The following TRAPPC9 variants were observed in gnomAD, a reference collection of about 807,000 sequenced individuals.
TRAPPC9 encodes the protein IKK2 binding protein.
Under a neutral mutation model 124.0 loss-of-function variants are expected in TRAPPC9, and 83 were observed. The observed-to-expected ratio is 0.67, with a 90% CI of 0.56 to 0.80. The LOEUF is 0.80. Ranked by LOEUF, TRAPPC9 falls within the 30% of genes least tolerant of loss-of-function variation. The probability of loss-of-function intolerance (pLI) is 0.00; values close to 1 mark genes in which losing one functional copy is unlikely to be tolerated. For missense variants in TRAPPC9, 1,302 were observed against 1,508.3 expected, an observed-to-expected ratio of 0.86 and a Z score of 2.27; for synonymous variants, 638 against 617.5, an observed-to-expected ratio of 1.03 and a Z score of -0.49.
intron 17 of TRAPPC9, among the ~76,000 whole-genome samples, chr8:140,089,206 C>T (rs1844406443): frequency 6.6e-6 from 1 of 152,210 alleles, no homozygotes; most frequent in Admixed American, 6.5e-5. Context: ...TCCCACTGGG[C>T]AGCCCGCTTC....
chr8:140,188,530 T>C (rs11776464), intron 17 of TRAPPC9, among the ~76,000 whole-genome samples: 56,090 of 151,810 alleles, frequency 0.37, 11,962 homozygotes, highest in South Asian at 0.5. Context: ...CTACTGAATC[T>C]CTGCTCCCTG....
intron 21 of TRAPPC9, among the ~76,000 whole-genome samples, chr8:139,841,420 G>T (rs1826722532): frequency 6.6e-6 from 1 of 152,226 alleles, no homozygotes; most frequent in Non-Finnish European, 1.5e-5. Context: ...GCTGGTGGGG[G>T]CCGGCGGGCC....
At chr8:140,135,933 G>C (rs2061297115) in intron 17 of TRAPPC9, among the ~76,000 whole-genome samples, 2 of 152,208 alleles carry the variant, frequency 1.3e-5, no homozygotes, top group Non-Finnish European at 2.9e-5. Context: ...GCGTAACAGA[G>C]TCAGCTCTGT....
intron 17 of TRAPPC9, among the ~76,000 whole-genome samples, chr8:140,091,954 G>A (rs892163593): frequency 1.2e-4 from 18 of 150,880 alleles, no homozygotes; most frequent in African/African-American, 4.4e-4. Context: ...GCCCCACAGC[G>A]ACCCTTCGAT....
chr8:140,246,300 C>T (rs368322143), intron 16 of TRAPPC9, among the ~76,000 whole-genome samples: 4 of 152,190 alleles, frequency 2.6e-5, no homozygotes, highest in African/African-American at 4.8e-5. Flanking sequence ...TTTCCTGCTC[C>T]ACATCTAGAA....
At chr8:139,844,386 TG>T (rs1343919775) in intron 21 of TRAPPC9, among the ~76,000 whole-genome samples, 1 of 152,208 alleles carries the variant, frequency 6.6e-6, no homozygotes, top group African/African-American at 2.4e-5. Context: ...ATGAAATAAT[TG>T]GGCTCTAAAC....
intron 2 of TRAPPC9, among the ~76,000 whole-genome samples, chr8:140,442,803 A>C (rs1448640763): frequency 6.6e-6 from 1 of 151,934 alleles, no homozygotes; most frequent in Non-Finnish European, 1.5e-5. Flanking sequence ...GATAGAGAGA[A>C]TCTCTTTTGC....
At chr8:140,286,736 C>T (rs547666487) in intron 13 of TRAPPC9, among the ~76,000 whole-genome samples, 33 of 152,116 alleles carry the variant, frequency 2.2e-4, no homozygotes, top group African/African-American at 7.5e-4. Flanking sequence ...ATATGCGAGG[C>T]GCCCAGGGGC....
intron 17 of TRAPPC9, among the ~76,000 whole-genome samples, chr8:140,029,706 A>G (rs926805374): frequency 2.6e-5 from 4 of 151,364 alleles, no homozygotes; most frequent in African/African-American, 7.3e-5. Flanking sequence ...GAATTCTAAC[A>G]AACATGTAAA....
upstream of TRAPPC9, chr8:140,458,280 C>A: frequency 1.3e-6 from 2 of 1,554,044 alleles, no homozygotes; most frequent in Non-Finnish European, 1.7e-6. Context: ...CCGCCGCTTA[C>A]CAGTCCTTCA....
At chr8:140,003,462 T>C (rs975354713) in intron 18 of TRAPPC9, among the ~76,000 whole-genome samples, 12 of 151,810 alleles carry the variant, frequency 7.9e-5, no homozygotes, top group Admixed American at 2.0e-4. Flanking sequence ...ATTAACTGCA[T>C]GTGGTGCCGT....
chr8:139,757,979 G>A (rs528638510), intron 21 of TRAPPC9, among the ~76,000 whole-genome samples: 10 of 152,340 alleles, frequency 6.6e-5, no homozygotes, highest in Admixed American at 2.0e-4. Flanking sequence ...TGTCCCTGCC[G>A]AGTGGCCTCA....
chr8:140,281,165 T>G (rs2065308886), intron 14 of TRAPPC9, among the ~76,000 whole-genome samples: 1 of 152,130 alleles, frequency 6.6e-6, no homozygotes, highest in African/African-American at 2.4e-5. Flanking sequence ...AGGAGTGGAG[T>G]TGTTGGGTCA....
At chr8:140,410,128 G>A (rs1488953089) in intron 5 of TRAPPC9, among the ~76,000 whole-genome samples, 2 of 108,790 alleles carry the variant, frequency 1.8e-5, no homozygotes, top group African/African-American at 6.8e-5. Flanking sequence ...GTGAGGGCAT[G>A]AGACCTTGTC....
rs1168512471 is a variant in TRAPPC9, at chr8:140,221,562, A to C, written c.2453T>G (p.Phe818Cys). The stretch of plus-strand genomic sequence containing the variant: ...CTGCCGAAAAGGACTGGACAGGGGA[A>C]AGCCACTCACACTGATTCCATCTAC... ...LSDDGISVSG[F>C]PLSSPFRQVV... The change falls in exon 17 of 23, where the codon TTT becomes TGT. Residue 818 changes from phenylalanine (F) to cysteine (C), a missense_variant. Physicochemically the swap from Phe to Cys is radical, Grantham distance 205. Around this residue, in one of 3 missense-constraint regions of TRAPPC9, gnomAD observed 640 missense variants for 679.3 expected, o/e 0.94. Coordinates refer to ENST00000438773, the MANE Select transcript of TRAPPC9 (RefSeq NM_001160372.4). 1.2e-6 allele frequency: 2 copies of C among 1,614,002 alleles called. No homozygotes were observed. Among genetic ancestry groups the C allele is most frequent in the Non-Finnish European group, 1.7e-6 (2 of 1,179,966 alleles).
chr8:139,971,781 A>T (rs1440450168), intron 19 of TRAPPC9, among the ~76,000 whole-genome samples: 2 of 47,504 alleles, frequency 4.2e-5, no homozygotes, highest in African/African-American at 1.2e-4. Context: ...ATATACACAC[A>T]CATATATACA....
At chr8:139,754,289 G>C (rs776986427) in intron 21 of TRAPPC9, among the ~76,000 whole-genome samples, 4 of 152,200 alleles carry the variant, frequency 2.6e-5, no homozygotes, top group Non-Finnish European at 5.9e-5. Context: ...CCTGGTCTCA[G>C]CTGCACAATT....
At chr8:140,189,748 AAATAAAAAC>A (rs1311027495) in intron 17 of TRAPPC9, among the ~76,000 whole-genome samples, 1 of 152,152 alleles carries the variant, frequency 6.6e-6, no homozygotes, top group East Asian at 1.9e-4. Context: ...AAATAAGCAC[AAATAAAAAC>A]AATCTCCCAA....
intron 14 of TRAPPC9, among the ~76,000 whole-genome samples, chr8:140,282,828 A>G (rs372437140): frequency 1.2e-3 from 178 of 152,368 alleles, no homozygotes; most frequent in African/African-American, 4.1e-3. Context: ...AGGAAATATC[A>G]CAACAAATCA....
Sources: gnomAD v4.1 joint callset for allele counts (sites outside exome capture counted in the v4.1 genomes callset) on GRCh38, gnomAD v4.1.1 for gene constraint, gnomAD v4.1.1 regional missense constraint, MANE v1.5 for transcripts, NCBI Gene and HGNC (gene_info 2026-07-23, HGNC 2026-07-21) for gene names.